ITPR1: variants seen among roughly 807,000 people sequenced by gnomAD.
ITPR1 encodes inositol 1,4,5-trisphosphate receptor type 1.
In ITPR1, 96 loss-of-function variants were observed where a neutral mutation model predicts 318.4. The ratio of observed to expected loss-of-function variants is 0.30; its 90% CI spans 0.26 to 0.36. The LOEUF is 0.36. ITPR1 is among the 10% of genes least tolerant of loss of function. ITPR1 has a pLI of 1.00. For missense variants in ITPR1, 2,440 were observed against 3,460.2 expected (o/e 0.71, Z 7.40); for synonymous variants, 1,312 against 1,289.9 (o/e 1.02, Z -0.37).
chr3:4,770,870 C>G (rs1042114678), intron 46 of ITPR1, among the ~76,000 whole-genome samples: 1 of 152,190 alleles, frequency 6.6e-6, no homozygotes, highest in Non-Finnish European at 1.5e-5. Flanking sequence ...CTGACATTGT[C>G]CACCCTCCAC....
chr3:4,632,714 A>C (rs771161057), intron 5 of ITPR1, among the ~76,000 whole-genome samples: 4 of 152,176 alleles, frequency 2.6e-5, no homozygotes, highest in Non-Finnish European at 5.9e-5. Flanking sequence ...TTTCATCAGC[A>C]AGTCCTTTCG....
intron 4 of ITPR1, among the ~76,000 whole-genome samples, chr3:4,553,982 G>A (rs755896149): frequency 1.3e-5 from 2 of 151,020 alleles, no homozygotes; most frequent in Non-Finnish European, 3.0e-5. Context: ...GGCTCAAGCA[G>A]TCCGCCCTCC....
intron 33 of ITPR1, among the ~76,000 whole-genome samples, chr3:4,694,627 G>C (rs1351845777): frequency 6.6e-6 from 1 of 152,096 alleles, no homozygotes; most frequent in Non-Finnish European, 1.5e-5. Context: ...TTGCTTCCAG[G>C]CTACAAACAT....
chr3:4,691,466 TTG>T, intron 32 of ITPR1, 122 bp downstream of exon 32: 1 of 657,734 alleles, frequency 1.5e-6, no homozygotes, highest in Non-Finnish European at 2.7e-6. Flanking sequence ...CAGAAAGTAA[TTG>T]TGTGTGCATA....
intron 54 of ITPR1, among the ~76,000 whole-genome samples, chr3:4,805,101 A>T (rs1014198445): frequency 1.3e-5 from 2 of 152,040 alleles, no homozygotes; most frequent in African/African-American, 4.8e-5. Flanking sequence ...ATGTCAGAAA[A>T]CCTAATCCAT....
intron 4 of ITPR1, among the ~76,000 whole-genome samples, chr3:4,540,857 T>A (rs1302756075): frequency 6.6e-6 from 1 of 152,198 alleles, no homozygotes; most frequent in Admixed American, 6.5e-5. Context: ...ATTACAGATG[T>A]GAGACACCAC....
intron 4 of ITPR1, among the ~76,000 whole-genome samples, chr3:4,571,463 C>G (rs1006656865): frequency 6.6e-6 from 1 of 152,032 alleles, no homozygotes; most frequent in Non-Finnish European, 1.5e-5. Flanking sequence ...GTCAGTCTCC[C>G]GAGTAGCTGG....
chr3:4,545,176 A>AG (rs764751362), intron 4 of ITPR1, among the ~76,000 whole-genome samples: 8 of 152,254 alleles, frequency 5.3e-5, no homozygotes, highest in African/African-American at 9.6e-5. Flanking sequence ...AACAGATGAG[A>AG]GAAAAACCCA....
chr3:4,745,135 T>A (rs71313893), intron 44 of ITPR1, among the ~76,000 whole-genome samples: 4 of 139,332 alleles, frequency 2.9e-5, no homozygotes, highest in Non-Finnish European at 6.2e-5. Context: ...TCCCTCCCTC[T>A]CTTCCTCCCT....
chr3:4,762,568 A>G (rs930255474), intron 44 of ITPR1, among the ~76,000 whole-genome samples: 6 of 152,206 alleles, frequency 3.9e-5, no homozygotes, highest in African/African-American at 1.4e-4. Flanking sequence ...ATGTAATGGT[A>G]GTAGAAAAAC....
In ITPR1 at chr3:4,627,842, C is replaced by T; in HGVS notation, c.243C>T (p.Asn81=). The T allele has an allele frequency of 6.2e-7, 1 of 1,613,660 alleles. No individual in the cohort carries two copies. The highest frequency in any genetic ancestry group is 1.1e-5 in the South Asian group (1 of 91,052). Residue 81 remains asparagine (N), a synonymous_variant, in exon 5 of 62, where the codon AAC becomes AAT. Transcript: ENST00000649015. ...QFWKAAKPGA[N]STTDAVLLNK... Reference sequence around the variant, plus strand: ...GGAAAGCCGCTAAGCCTGGGGCCAACAGCACCACAGACGCAGTGCTACTCA... The same window carrying T: ...GGAAAGCCGCTAAGCCTGGGGCCAATAGCACCACAGACGCAGTGCTACTCA...
chr3:4,838,420 C>A (rs987788421), intron 61 of ITPR1, among the ~76,000 whole-genome samples: 4 of 150,892 alleles, frequency 2.7e-5, no homozygotes, highest in Admixed American at 6.6e-5. Flanking sequence ...TCTGGCACTG[C>A]CCCCCCAACC....
intron 6 of ITPR1, among the ~76,000 whole-genome samples, chr3:4,640,377 G>A: frequency 6.6e-6 from 1 of 152,190 alleles, no homozygotes; most frequent in East Asian, 1.9e-4. Context: ...AATAGTGAAA[G>A]TAGCTTCCAA....
intron 4 of ITPR1, among the ~76,000 whole-genome samples, chr3:4,558,900 G>A (rs779179762): frequency 2.0e-5 from 3 of 151,188 alleles, no homozygotes; most frequent in Non-Finnish European, 2.9e-5. Flanking sequence ...ACTTCCAAAC[G>A]CATCTCAGGA....
intron 30 of ITPR1, 31 bp from the exon 31 acceptor site, chr3:4,688,464 T>C: frequency 6.2e-7 from 1 of 1,610,782 alleles, no homozygotes; most frequent in Non-Finnish European, 8.5e-7. Context: ...GGCCCAGCAA[T>C]CAGTGCTTTC....
At chr3:4,822,203 G>A (rs1025157278) in intron 60 of ITPR1, among the ~76,000 whole-genome samples, 1 of 152,180 alleles carries the variant, frequency 6.6e-6, no homozygotes, top group African/African-American at 2.4e-5. Flanking sequence ...CAGGTGGGAG[G>A]CATGCACAGA....
intron 54 of ITPR1, among the ~76,000 whole-genome samples, chr3:4,805,642 G>T (rs1395680853): frequency 1.3e-5 from 2 of 152,290 alleles, no homozygotes; most frequent in East Asian, 1.9e-4. Flanking sequence ...TGAAAGGCAA[G>T]AACTGATCAC....
At chr3:4,696,764 T>C (rs931873234) in intron 33 of ITPR1, among the ~76,000 whole-genome samples, 2 of 150,378 alleles carry the variant, frequency 1.3e-5, no homozygotes, top group South Asian at 2.2e-4. Flanking sequence ...GTATCTATCA[T>C]ATAAGCACAG....
At chr3:4,736,703 C>A (rs550642738) in intron 44 of ITPR1, among the ~76,000 whole-genome samples, 1 of 152,318 alleles carries the variant, frequency 6.6e-6, no homozygotes, top group Non-Finnish European at 1.5e-5. Flanking sequence ...GTGGGTCCTG[C>A]AGTCCTTCTC....
Sources: gnomAD v4.1 joint callset for allele counts (sites outside exome capture counted in the v4.1 genomes callset) on GRCh38, gnomAD v4.1.1 for gene constraint, MANE v1.5 for transcripts, NCBI Gene and HGNC (gene_info 2026-07-23, HGNC 2026-07-21) for gene names.